Variants in UGT1A5 observed in about 807,000 individuals in gnomAD.
UGT1A5 encodes UDP-glucuronosyltransferase 1A5.
In UGT1A5, 29 loss-of-function variants were observed where a neutral mutation model predicts 40.3. That is an observed-to-expected ratio of 0.72 (90% CI 0.54 to 0.98). The LOEUF (loss-of-function observed/expected upper bound fraction) is 0.98, where lower values mean the gene tolerates loss of function less well. UGT1A5 is among the 50% of genes least tolerant of loss of function. The pLI, the probability that UGT1A5 is intolerant of heterozygous loss-of-function variation, is 0.00. For synonymous variants in UGT1A5, 257 were observed against 262.5 expected, an observed-to-expected ratio of 0.98 and a Z score of 0.20; for missense variants, 678 against 677.9, an observed-to-expected ratio of 1.00 and a Z score of 0.00.
chr2:233,719,487 A>G lies in UGT1A5; in HGVS notation c.867+5629A>G, dbSNP rs138822211. ...GCTCTACCCTCTGGCCCTGTCCTAC[A>G]TTTGCCATACTTTTTCTGCCCCTTA... On this transcript the variant is annotated intron_variant, in intron 1 of 4. Transcript: ENST00000373414. 1.2e-5 allele frequency: 20 copies of G among 1,613,508 alleles called. No individual in the cohort carries two copies. In the African/African-American group the frequency reaches 2.7e-4, roughly 22 times the overall value.
chr2:233,734,036 A>G (rs1235015147), intron 1 of UGT1A5, among the ~76,000 whole-genome samples: 1 of 152,130 alleles, frequency 6.6e-6, no homozygotes. Context: ...CAGCACACCA[A>G]CATGGCACAT....
Position 233,772,498 on chromosome 2 carries a change from A to C in UGT1A5, c.1544A>C (p.Tyr515Ser). The change falls in exon 5 of 5, where the codon TAC (tyrosine) becomes TCC (serine). Residue 515 changes from tyrosine to serine, a missense_variant. Physicochemically the swap from Tyr to Ser is moderately radical, Grantham distance 144 (BLOSUM62 -2). Coordinates refer to ENST00000373414, the MANE Select transcript of UGT1A5 (RefSeq NM_019078.2). ...FITFKCCAYG[Y>S]RKCLGKKGRV... is the part of the protein sequence containing the mutation. ...ACCTTTAAATGTTGTGCTTATGGCTACCGGAAATGCTTGGGGAAAAAAGGG... is the reference window on the plus strand; with the variant it reads ...ACCTTTAAATGTTGTGCTTATGGCTCCCGGAAATGCTTGGGGAAAAAAGGG... 1.2e-6 allele frequency: 2 copies of C among 1,614,186 alleles called. No individual in the cohort carries two copies. The highest frequency in any genetic ancestry group is 2.2e-5 in the South Asian group (2 of 91,082).
chr2:233,718,621 T>C (rs1199442857), intron 1 of UGT1A5: 10 of 887,970 alleles, frequency 1.1e-5, no homozygotes, highest in Middle Eastern at 1.2e-3. Flanking sequence ...ATAGGCGTGA[T>C]TGGTCTTTCC....
chr2:233,740,862 C>G (rs1413429391), intron 1 of UGT1A5: 1 of 151,810 alleles, frequency 6.6e-6, no homozygotes, highest in African/African-American at 2.4e-5. Flanking sequence ...TCTAAAAATT[C>G]TTTAAATAAA....
At chr2:233,734,492 T>A (rs983580734) in intron 1 of UGT1A5, among the ~76,000 whole-genome samples, 3 of 151,188 alleles carry the variant, frequency 2.0e-5, no homozygotes, top group Non-Finnish European at 4.5e-5. Flanking sequence ...TTTTTGAAGG[T>A]TTTTTTGTGT....
intron 1 of UGT1A5, chr2:233,743,629 T>A (rs570829500): frequency 7.3e-7 from 1 of 1,367,190 alleles, no homozygotes; most frequent in Non-Finnish European, 9.8e-7. Context: ...AGACGTCGGC[T>A]GGGTCGCGGA....
intron 1 of UGT1A5, among the ~76,000 whole-genome samples, chr2:233,728,276 G>C (rs1254522252): frequency 6.6e-6 from 1 of 152,142 alleles, no homozygotes; most frequent in Non-Finnish European, 1.5e-5. Flanking sequence ...TGGAGCCTTC[G>C]GCATTCAGAA....
At chr2:233,747,515 T>C in intron 1 of UGT1A5, 2 of 1,607,616 alleles carry the variant, frequency 1.2e-6, no homozygotes, top group Non-Finnish European at 1.7e-6. Context: ...AACTGTACTT[T>C]GAAACAGAAC....
intron 1 of UGT1A5, chr2:233,721,797 A>G (rs7597496): frequency 0.51 from 260,053 of 511,456 alleles, 70,587 homozygotes; most frequent in African/African-American, 0.82. Context: ...TTTAAAGCAC[A>G]TGCAGCAAAA....
intron 1 of UGT1A5, chr2:233,747,309 G>A: frequency 7.5e-6 from 12 of 1,603,078 alleles, no homozygotes; most frequent in Non-Finnish European, 1.0e-5. Context: ...GGAAGGTGCT[G>A]GTGGTACCCA....
chr2:233,719,247 G>T, intron 1 of UGT1A5: 1 of 1,614,186 alleles, frequency 6.2e-7, no homozygotes, highest in African/African-American at 1.3e-5. Context: ...GCACCTGAAT[G>T]CTACTTCCTT....
rs1223682421 is a variant in UGT1A5, at chr2:233,713,390, T to C, written c.399T>C (p.His133=). The C allele has an allele frequency of 6.2e-7, 1 of 1,614,192 alleles. No individual in the cohort carries two copies. The highest frequency in any genetic ancestry group is 1.7e-5 in the Admixed American group (1 of 60,024). The part of the protein sequence containing the change: ...IIHRSCVELL[H]NEALIRHLHA... ...ATAGGTCTTGTGTGGAGCTACTGCA[T>C]AATGAGGCCCTGATCAGGCACCTGC... is the stretch of plus-strand genomic sequence containing the variant. The change falls in exon 1 of 5, where the codon CAT becomes CAC. Residue 133 remains histidine (H), a synonymous_variant. Transcript: ENST00000373414.
chr2:233,714,481 C>T (rs138449579), intron 1 of UGT1A5, among the ~76,000 whole-genome samples: 103 of 152,274 alleles, frequency 6.8e-4, no homozygotes, highest in African/African-American at 2.4e-3. Flanking sequence ...GAGAATGTTT[C>T]TTGTGAAGAC....
At position 233,712,924 on chromosome 2, in the gene UGT1A5, G is replaced by C; in HGVS notation, c.-68G>C. ...GGTGTCTCAGTGACAAGGTAATTAA[G>C]ACGAAGGAAACAATTCTAGGAGGCA... On this transcript the variant is annotated 5_prime_UTR_variant, in exon 1 of 5. Coordinates refer to ENST00000373414, the MANE Select transcript of UGT1A5 (RefSeq NM_019078.2). 3 of 1,611,998 alleles carry C rather than the reference G, an allele frequency of 1.9e-6. No individual in the cohort carries two copies. The highest frequency in any genetic ancestry group is 1.7e-6 in the Non-Finnish European group (2 of 1,179,892).
chr2:233,761,189 T>C (rs763009411), intron 1 of UGT1A5: 1 of 1,614,202 alleles, frequency 6.2e-7, no homozygotes, highest in South Asian at 1.1e-5. Context: ...GCGTATATTC[T>C]TTCAGATGTA....
Position 233,734,907 on chromosome 2 carries a change from A to G in UGT1A5, c.867+21049A>G, listed in dbSNP as rs551401777. Among the ~76,000 whole-genome samples, 233 of 152,140 alleles carry G rather than the reference A, an allele frequency of 1.5e-3. 2 individuals carry two copies. The highest frequency in any genetic ancestry group is 5.2e-3 in the African/African-American group (218 of 41,544). On this transcript the variant is annotated intron_variant, in intron 1 of 4. Coordinates refer to ENST00000373414, the MANE Select transcript of UGT1A5 (RefSeq NM_019078.2). The stretch of plus-strand genomic sequence containing the variant: ...TTTGTTGTGATTTCTATTCTTTTAC[A>G]TTTGCTAAGGAGTGCTTTACTTACA...
intron 1 of UGT1A5, among the ~76,000 whole-genome samples, chr2:233,726,904 T>A (rs554663359): frequency 7.2e-5 from 11 of 152,324 alleles, no homozygotes; most frequent in South Asian, 4.1e-4. Flanking sequence ...CATTCAATTA[T>A]CTCCTTTTTT....
chr2:233,729,432 AAC>A (rs1456497728), intron 1 of UGT1A5: 1 of 1,613,916 alleles, frequency 6.2e-7, no homozygotes, highest in East Asian at 2.2e-5. Flanking sequence ...TGTACTTTGA[AAC>A]AGAACATTTT....
In UGT1A5 at chr2:233,739,290, C is replaced by A. The variant is rs1363558012; in HGVS notation, c.867+25432C>A. On this transcript the variant is annotated intron_variant, in intron 1 of 4. Transcript: ENST00000373414. ...TTGGAGCCCCCACACAGAGTCTCCACTGGGGCACTGCCTAGTGGAGTTGTG... is the reference window on the plus strand; with the variant it reads ...TTGGAGCCCCCACACAGAGTCTCCAATGGGGCACTGCCTAGTGGAGTTGTG... Among the ~76,000 whole-genome samples, 3 of 152,214 alleles carry A rather than the reference C, an allele frequency of 2.0e-5. No homozygotes were observed. In the East Asian group the frequency reaches 5.8e-4, roughly 29 times the overall value.
Sources: allele counts gnomAD v4.1 joint callset (sites outside exome capture counted in the v4.1 genomes callset), GRCh38; gene constraint gnomAD v4.1.1; transcripts MANE v1.5; gene names NCBI Gene and HGNC (gene_info 2026-07-23, HGNC 2026-07-21).